Variants in ADGRE3 observed in about 807,000 individuals in gnomAD.
ADGRE3 encodes EGF-like module receptor 3.
ADGRE3 carries 88 observed loss-of-function variants against 80.1 expected under a neutral mutation model. The observed-to-expected ratio is 1.10, with a 90% CI of 0.93 to 1.31. The LOEUF (loss-of-function observed/expected upper bound fraction) is 1.31, where lower values mean the gene tolerates loss of function less well. Among genes scored for constraint, ADGRE3 ranks in the 40% most tolerant of loss-of-function variants. The pLI is 0.00. For missense variants in ADGRE3, 715 were observed against 776.5 expected, an observed-to-expected ratio of 0.92 and a Z score of 0.94; for synonymous variants, 281 against 294.8, an observed-to-expected ratio of 0.95 and a Z score of 0.48.
chr19:14,655,263 G>T, intron 5 of ADGRE3, 98 bp from the exon 6 acceptor site: 2 of 1,103,304 alleles, frequency 1.8e-6, no homozygotes, highest in Non-Finnish European at 2.5e-6. Context: ...AGGCTCTGGA[G>T]CTGGAGGAAC....
intron 9 of ADGRE3, among the ~76,000 whole-genome samples, chr19:14,643,528 C>T (rs1286664822): frequency 6.6e-6 from 1 of 152,020 alleles, no homozygotes; most frequent in Non-Finnish European, 1.5e-5. Flanking sequence ...TGTGAATGAT[C>T]CCCCAATACA....
the ADGRE3 span, chr19:14,600,232 C>A: frequency 1.3e-6 from 2 of 1,599,544 alleles, no homozygotes; most frequent in Non-Finnish European, 1.7e-6. Flanking sequence ...CAGCCTGCTT[C>A]TCTTCCAGGA....
At chr19:14,671,488 T>C (rs1480811673) in intron 1 of ADGRE3, among the ~76,000 whole-genome samples, 4 of 152,158 alleles carry the variant, frequency 2.6e-5, no homozygotes, top group African/African-American at 9.7e-5. Context: ...TTAGGCCCCC[T>C]GGAAAATTCA....
At chr19:14,606,508 G>A in the ADGRE3 span, among the ~76,000 whole-genome samples, 14 of 151,942 alleles carry the variant, frequency 9.2e-5, no homozygotes, top group East Asian at 7.7e-4. Flanking sequence ...GCGAAAGCCC[G>A]TTTCTACTAA....
At chr19:14,650,430 C>T (rs1208642686) in intron 7 of ADGRE3, among the ~76,000 whole-genome samples, 2 of 150,544 alleles carry the variant, frequency 1.3e-5, no homozygotes, top group African/African-American at 2.4e-5. Flanking sequence ...CTCTTTCCAT[C>T]GCTCTCCCCA....
chr19:14,673,437 G>T (rs372937275), intron 1 of ADGRE3, among the ~76,000 whole-genome samples: 3 of 152,222 alleles, frequency 2.0e-5, no homozygotes, highest in African/African-American at 4.8e-5. Flanking sequence ...TCCGTACAGA[G>T]ATGGTGGTTG....
the ADGRE3 span, among the ~76,000 whole-genome samples, chr19:14,611,444 C>A: frequency 1.5e-5 from 2 of 133,196 alleles, no homozygotes; most frequent in Non-Finnish European, 3.1e-5. Context: ...GTGGCACAAT[C>A]ATAGCTTACT....
chr19:14,627,866 C>T (rs143182882), intron 14 of ADGRE3, among the ~76,000 whole-genome samples: 1,926 of 152,010 alleles, frequency 0.013, 13 homozygotes, highest in Non-Finnish European at 0.021. Flanking sequence ...CGATGGCTCA[C>T]GCCTGTAATC....
chr19:14,631,680 C>T (rs1181236516), intron 13 of ADGRE3, among the ~76,000 whole-genome samples: 1 of 151,582 alleles, frequency 6.6e-6, no homozygotes, highest in African/African-American at 2.4e-5. Flanking sequence ...TGCATATATA[C>T]ATTATATATA....
the ADGRE3 span, among the ~76,000 whole-genome samples, chr19:14,605,040 A>C: frequency 6.6e-6 from 1 of 152,040 alleles, no homozygotes; most frequent in African/African-American, 2.4e-5. Flanking sequence ...GCAGTCAAAA[A>C]GTCTAAAATG....
intron 10 of ADGRE3, among the ~76,000 whole-genome samples, chr19:14,638,788 C>T (rs1971170618): frequency 6.6e-6 from 1 of 152,086 alleles, no homozygotes; most frequent in African/African-American, 2.4e-5. Context: ...TTTCCTCATC[C>T]ACTTCCCCCC....
Position 14,655,127 on chromosome 19 carries a change from G to A in ADGRE3, c.432C>T (p.Thr144=). ...CTTCTGTTCTCCATAAAGTCTGATT[G>A]GTGAGAAGTGACTCAAATTTGTCCA... is the stretch of plus-strand genomic sequence containing the variant. ...KIVDKFESLL[T]NQTLWRTEGR... Residue 144 remains threonine, a synonymous_variant, in exon 6 of 16, where the codon ACC becomes ACT. Coordinates refer to ENST00000253673, the MANE Select transcript of ADGRE3 (RefSeq NM_032571.5). The A allele has an allele frequency of 6.2e-7, 1 of 1,612,450 alleles. No individual in the cohort carries two copies. The highest frequency in any genetic ancestry group is 8.5e-7 in the Non-Finnish European group (1 of 1,179,536).
chr19:14,636,075 C>CCCTTT (rs1555755774), intron 11 of ADGRE3, among the ~76,000 whole-genome samples: 3 of 70,592 alleles, frequency 4.2e-5, no homozygotes, highest in South Asian at 5.7e-4. Context: ...CCTTTCCTTT[C>CCCTTT]CTTTCCCTTT....
At chr19:14,645,377 A>G (rs1340292357) in intron 8 of ADGRE3, among the ~76,000 whole-genome samples, 1 of 152,156 alleles carries the variant, frequency 6.6e-6, no homozygotes, top group Non-Finnish European at 1.5e-5. Context: ...GAGCCTTTGA[A>G]GCCGGGCACA....
intron 13 of ADGRE3, among the ~76,000 whole-genome samples, chr19:14,630,889 G>T (rs1017759226): frequency 2.6e-5 from 4 of 151,634 alleles, no homozygotes; most frequent in Admixed American, 2.0e-4. Context: ...ATAGACAGGG[G>T]TCATATAATT....
At chr19:14,609,268 G>T in the ADGRE3 span, among the ~76,000 whole-genome samples, 1 of 152,288 alleles carries the variant, frequency 6.6e-6, no homozygotes, top group Admixed American at 6.5e-5. Flanking sequence ...GATGACTCTG[G>T]TGCTGTTGAC....
At chr19:14,613,964 G>A in the ADGRE3 span, among the ~76,000 whole-genome samples, 1 of 152,016 alleles carries the variant, frequency 6.6e-6, no homozygotes, top group South Asian at 2.1e-4. Context: ...GGGATTACAG[G>A]TGTGAGCCAC....
At chr19:14,628,668 C>T in intron 14 of ADGRE3, 3 of 377,300 alleles carry the variant, frequency 8.0e-6, no homozygotes, top group South Asian at 6.8e-5. Context: ...CACTGCTGTT[C>T]CATGGTTTGA....
At chr19:14,661,139 G>A (rs919695912) in intron 4 of ADGRE3, among the ~76,000 whole-genome samples, 16 of 151,906 alleles carry the variant, frequency 1.1e-4, no homozygotes, top group Admixed American at 2.6e-4. Flanking sequence ...ATGGGGTTTC[G>A]CCATGTTGGC....
Sources: gnomAD v4.1 joint callset for allele counts (sites outside exome capture counted in the v4.1 genomes callset) on GRCh38, gnomAD v4.1.1 for gene constraint, MANE v1.5 for transcripts, NCBI Gene and HGNC (gene_info 2026-07-23, HGNC 2026-07-21) for gene names.